Variants in WDR86 observed in about 807,000 individuals in gnomAD.
WDR86 encodes the protein WD repeat-containing protein 86.
WDR86 carries 30 observed loss-of-function variants against 36.5 expected under a neutral mutation model. That is an observed-to-expected ratio of 0.82 (90% CI 0.61 to 1.11). WDR86 has a LOEUF of 1.11. Ranked by LOEUF, WDR86 falls within the 50% of genes most tolerant of loss-of-function variation. The pLI is 0.00. For missense variants in WDR86, 545 were observed against 561.2 expected (o/e 0.97, Z 0.29); for synonymous variants, 255 against 252.9 (o/e 1.01, Z -0.08).
In WDR86 at chr7:151,389,106, T is replaced by C. The variant is rs557234490; in HGVS notation, c.727-3883A>G. ...AGTCAAAGGTATTCTGCACCTTTTT[T>C]TCTTTTCTTTCCTTTTTTTTTTTTT... On this transcript the variant is annotated intron_variant, in intron 3 of 5. Transcript: ENST00000334493. Among the ~76,000 whole-genome samples, 38 of 141,610 alleles carry C rather than the reference T, an allele frequency of 2.7e-4. 1 individual carries two copies. Among genetic ancestry groups the C allele is most frequent in the African/African-American group, 9.0e-4 (34 of 37,598 alleles). The allele number at this position is 141,610 out of a possible 152,430, so 92.9% of individuals were successfully genotyped here.
chr7:151,385,390 C>G, intron 3 of WDR86, 167 bp from the exon 4 acceptor site: 2 of 1,252,882 alleles, frequency 1.6e-6, no homozygotes, highest in Admixed American at 2.7e-5. Flanking sequence ...CTTCAGCACC[C>G]AAAAGCAGGC....
chr7:151,387,680 A>G lies in WDR86; in HGVS notation c.727-2457T>C, dbSNP rs373007069. ...GCGGGCCTCCACCTCCCCGGGCTCCAAGGGAGCCCCGCAGGGGTGGGAGAA... is the reference window on the plus strand; with the variant it reads ...GCGGGCCTCCACCTCCCCGGGCTCCGAGGGAGCCCCGCAGGGGTGGGAGAA... On this transcript the variant is annotated intron_variant, in intron 3 of 5. Coordinates refer to ENST00000334493, the MANE Select transcript of WDR86 (RefSeq NM_198285.3). 1.8e-4 allele frequency among the ~76,000 whole-genome samples: 27 copies of G among 152,168 alleles called. No homozygotes were observed. In the East Asian group the frequency reaches 2.9e-3, roughly 16 times the overall value.
In WDR86 at chr7:151,385,165, G is replaced by T; in HGVS notation, c.785C>A (p.Ala262Glu). 1 of 1,613,112 alleles carries T rather than the reference G, an allele frequency of 6.2e-7. No homozygotes were observed. Among genetic ancestry groups the T allele is most frequent in the African/African-American group, 1.3e-5 (1 of 75,052 alleles). ...SADRTVKCWL[A>E]DTGECVRTFT... is the part of the protein sequence containing the mutation. ...CGTGCGCACACACTCCCCTGTGTCT[G>T]CCAGCCAGCACTTGACGGTCCTGTC... is the stretch of plus-strand genomic sequence containing the variant. Residue 262 changes from alanine (A) to glutamate (E), a missense_variant, in exon 4 of 6, where the codon GCA becomes GAA. Transcript: ENST00000334493.
intron 2 of WDR86, among the ~76,000 whole-genome samples, chr7:151,399,316 C>T (rs1800114979): frequency 6.6e-6 from 1 of 152,196 alleles, no homozygotes; most frequent in South Asian, 2.1e-4. Context: ...GGGTTCCTGT[C>T]AGAGCTCAAC....
Position 151,385,361 on chromosome 7 carries a change from G to A in WDR86, c.727-138C>T, listed in dbSNP as rs73474442. The stretch of plus-strand genomic sequence containing the variant: ...GTGAGCCTCGAATGGCCCCGCCACC[G>A]GCCCCACCAGACTGCCCACTTCAGC... On this transcript the variant is annotated intron_variant, in intron 3 of 5. Transcript: ENST00000334493. 1,098 of 1,428,000 alleles carry A rather than the reference G, an allele frequency of 7.7e-4. 6 individuals are homozygous for A. The African/African-American group carries it at 0.013, about 17-fold the overall frequency. 88.5% of individuals were successfully genotyped at this position (1,428,000 alleles called of 1,614,324 possible).
Position 151,405,053 on chromosome 7 carries a change from T to G in WDR86, c.163+4374A>C, listed in dbSNP as rs74531747. On this transcript the variant is annotated intron_variant, in intron 1 of 5. Transcript: ENST00000334493. This position sits in a 1 kb window ranked among gnomAD's most constrained non-coding sequence, Gnocchi z 4.7. ...TCCAGCCCTTGTAGCACAAGGGTTA[T>G]TTTCACCTGTGGGGGAGGCCCCACT... Among the ~76,000 whole-genome samples the G allele has an allele frequency of 9.3e-3, 1,409 of 152,240 alleles. 27 individuals are homozygous for G. The highest frequency in any genetic ancestry group is 0.032 in the African/African-American group (1,325 of 41,530).
In WDR86 at chr7:151,405,609, C is replaced by A. The variant is rs865889904; in HGVS notation, c.163+3818G>T. Among the ~76,000 whole-genome samples, 11 of 152,156 alleles carry A rather than the reference C, an allele frequency of 7.2e-5. No homozygotes were observed. Among genetic ancestry groups the A allele is most frequent in the Non-Finnish European group, 4.4e-5 (3 of 68,022 alleles). ...CAGAGACTTGTAGCAAATCTGCAAG[C>A]CCCCACTTTGAACCAAGACCTACGC... On this transcript the variant is annotated intron_variant, in intron 1 of 5. Transcript: ENST00000334493. This position sits in a 1 kb window ranked among gnomAD's most constrained non-coding sequence, Gnocchi z 4.7.
intron 1 of WDR86, among the ~76,000 whole-genome samples, chr7:151,402,070 A>AAAAAAATATATATATAT: frequency 2.0e-4 from 10 of 50,516 alleles, no homozygotes; most frequent in Non-Finnish European, 2.7e-4. Context: ...AAAAAAAAAA[A>AAAAAAATATATATATAT]ATATATATAT....
chr7:151,373,965 A>T (rs1296825734), downstream of WDR86: 3 of 970,786 alleles, frequency 3.1e-6, no homozygotes, highest in African/African-American at 5.0e-5. Context: ...AGAGGTAGAA[A>T]GAGGGCCCCC....
chr7:151,374,234 G>GGCCCTGAA (rs1168049469), downstream of WDR86: 10 of 1,554,946 alleles, frequency 6.4e-6, no homozygotes, highest in Non-Finnish European at 8.7e-6. Context: ...ACTTGGATGA[G>GGCCCTGAA]GCCCTGAAGG....
intron 3 of WDR86, among the ~76,000 whole-genome samples, chr7:151,389,168 C>T (rs1397613793): frequency 1.4e-5 from 2 of 139,776 alleles, no homozygotes; most frequent in Non-Finnish European, 3.0e-5. Flanking sequence ...GTTGCCTAGG[C>T]TGGTCTGGGA....
chr7:151,404,639 G>A (rs564581825), intron 1 of WDR86, among the ~76,000 whole-genome samples: 2,138 of 152,274 alleles, frequency 0.014, 52 homozygotes, highest in African/African-American at 0.049. Context: ...AGGGGCTGCA[G>A]TGATTGTGCA....
chr7:151,384,944 G>T, intron 4 of WDR86, 144 bp downstream of exon 4: 1 of 907,084 alleles, frequency 1.1e-6, no homozygotes, highest in Non-Finnish European at 1.6e-6. Flanking sequence ...AAGCACGGGT[G>T]TGTGGAGAAG....
intron 1 of WDR86, among the ~76,000 whole-genome samples, chr7:151,402,047 C>CAAAAAAAAAAAAAA (rs71198714): frequency 6.7e-5 from 1 of 14,960 alleles, no homozygotes; most frequent in Non-Finnish European, 1.1e-4. Flanking sequence ...AACTCTGCCT[C>CAAAAAAAAAAAAAA]AAAAAAAAAA....
In WDR86 at chr7:151,381,998, C is replaced by G; in HGVS notation, c.863-17G>C. 6.3e-7 allele frequency: 1 copy of G among 1,579,286 alleles called. No individual in the cohort carries two copies. Among genetic ancestry groups the G allele is most frequent in the Non-Finnish European group, 8.6e-7 (1 of 1,163,300 alleles). The stretch of plus-strand genomic sequence containing the variant: ...CCGTGAACACTGCGGACACACAGCG[C>G]GCGCTGGGCCTCCCTCCCTGCTCGG... On this transcript the variant is annotated splice_polypyrimidine_tract_variant and intron_variant, in intron 4 of 5. Coordinates refer to ENST00000334493, the MANE Select transcript of WDR86 (RefSeq NM_198285.3). The surrounding 1 kb of genome is among the most constrained non-coding windows in gnomAD (Gnocchi z 4.8).
chr7:151,392,266 T>C (rs970819205), intron 3 of WDR86, among the ~76,000 whole-genome samples: 3 of 151,196 alleles, frequency 2.0e-5, no homozygotes, highest in African/African-American at 7.3e-5. Context: ...CATGCCCCCA[T>C]CCAGCTGGCC....
chr7:151,392,237 G>A (rs1799490383), intron 3 of WDR86, among the ~76,000 whole-genome samples: 1 of 152,032 alleles, frequency 6.6e-6, no homozygotes, highest in Admixed American at 6.5e-5. Context: ...CCTGGGTCAT[G>A]TCCCTTCTCT....
At chr7:151,383,473 CAA>C (rs60998418) in intron 4 of WDR86, among the ~76,000 whole-genome samples, 97,603 of 130,246 alleles carry the variant, frequency 0.75, 36,619 homozygotes, top group East Asian at 0.85. Context: ...GACTCCGTCT[CAA>C]AAAAAAAAAA....
At chr7:151,393,226 T>C (rs1018881259) in intron 3 of WDR86, among the ~76,000 whole-genome samples, 6 of 152,204 alleles carry the variant, frequency 3.9e-5, no homozygotes, top group African/African-American at 1.2e-4. Flanking sequence ...TGTGCATGTG[T>C]GCCTGTGGGG....
Sources: gnomAD v4.1 joint callset for allele counts (sites outside exome capture counted in the v4.1 genomes callset) on GRCh38, gnomAD v4.1.1 for gene constraint, Gnocchi (gnomAD v3.1) non-coding constraint, MANE v1.5 for transcripts, NCBI Gene and HGNC (gene_info 2026-07-23, HGNC 2026-07-21) for gene names.